IMMP2L: variants seen among roughly 807,000 people sequenced by gnomAD.
The protein encoded by IMMP2L is mitochondrial inner membrane protease subunit 2.
A neutral mutation model predicts 19.3 loss-of-function variants in IMMP2L; 18 were observed. That is an observed-to-expected ratio of 0.93 (90% CI 0.64 to 1.38). The LOEUF is 1.38. IMMP2L is among the 40% of genes most tolerant of loss of function. The probability of loss-of-function intolerance (pLI) is 0.00; values close to 1 mark genes in which losing one functional copy is unlikely to be tolerated. For missense variants in IMMP2L, 233 were observed against 218.2 expected, an observed-to-expected ratio of 1.07 and a Z score of -0.43; for synonymous variants, 76 against 73.0, an observed-to-expected ratio of 1.04 and a Z score of -0.21.
At chr7:111,381,679 A>G (rs1831219364) in intron 3 of IMMP2L, among the ~76,000 whole-genome samples, 1 of 151,920 alleles carries the variant, frequency 6.6e-6, no homozygotes, top group Non-Finnish European at 1.5e-5. Context: ...GGAGAAGAAC[A>G]AAAGAGAAAA....
At chr7:111,040,789 A>T (rs1457657061) in intron 3 of IMMP2L, among the ~76,000 whole-genome samples, 1 of 150,402 alleles carries the variant, frequency 6.6e-6, no homozygotes, top group Non-Finnish European at 1.5e-5. Context: ...ATCTAATATT[A>T]AATCTAATAT....
At chr7:111,209,485 C>CAT (rs1811087580) in intron 3 of IMMP2L, among the ~76,000 whole-genome samples, 1 of 151,456 alleles carries the variant, frequency 6.6e-6, no homozygotes, top group Admixed American at 6.6e-5. Context: ...TGGTAAAACT[C>CAT]ATATTTACAT....
At chr7:110,839,330 TA>T (rs930418284) in intron 5 of IMMP2L, among the ~76,000 whole-genome samples, 7 of 151,222 alleles carry the variant, frequency 4.6e-5, no homozygotes, top group Admixed American at 2.0e-4. Context: ...CCTTGGATAA[TA>T]AAAAAAAAGT....
At chr7:111,536,965 A>T (rs1218106959) in intron 1 of IMMP2L, among the ~76,000 whole-genome samples, 1 of 152,122 alleles carries the variant, frequency 6.6e-6, no homozygotes, top group Admixed American at 6.5e-5. Context: ...TCTGCATCTA[A>T]AGGACATGTC....
At chr7:110,696,540 C>T (rs1363656379) in intron 5 of IMMP2L, among the ~76,000 whole-genome samples, 1 of 151,146 alleles carries the variant, frequency 6.6e-6, no homozygotes, top group African/African-American at 2.4e-5. Context: ...GATTCTCCTG[C>T]CTCAGCCTCC....
chr7:111,330,979 C>T (rs920900765), intron 3 of IMMP2L, among the ~76,000 whole-genome samples: 6 of 151,556 alleles, frequency 4.0e-5, no homozygotes, highest in African/African-American at 1.2e-4. Context: ...ACTGTTGGTG[C>T]GAATATATAT....
chr7:110,846,956 G>A (rs1328793726), intron 5 of IMMP2L, among the ~76,000 whole-genome samples: 7 of 152,078 alleles, frequency 4.6e-5, no homozygotes, highest in African/African-American at 1.7e-4. Context: ...TAGAGTCAAA[G>A]GTCTCCTCAA....
chr7:111,022,279 C>T (rs1170947530), intron 3 of IMMP2L, among the ~76,000 whole-genome samples: 1 of 152,116 alleles, frequency 6.6e-6, no homozygotes, highest in Non-Finnish European at 1.5e-5. Flanking sequence ...GCAGGCTGGG[C>T]ATAGCAGAAA....
intron 4 of IMMP2L, among the ~76,000 whole-genome samples, chr7:110,956,381 C>T (rs1023167926): frequency 4.6e-5 from 7 of 151,986 alleles, no homozygotes; most frequent in African/African-American, 9.7e-5. Flanking sequence ...ACAACAGCAT[C>T]GATCCTCCCC....
intron 3 of IMMP2L, among the ~76,000 whole-genome samples, chr7:111,476,502 A>G (rs1841736786): frequency 6.6e-6 from 1 of 152,146 alleles, no homozygotes. Flanking sequence ...TTTGTTTATT[A>G]TCTAACAGCT....
chr7:111,479,393 T>C (rs1841990223), intron 3 of IMMP2L, among the ~76,000 whole-genome samples: 1 of 152,146 alleles, frequency 6.6e-6, no homozygotes, highest in Non-Finnish European at 1.5e-5. Flanking sequence ...AACTAGTCCA[T>C]TTACAGCCAG....
rs372826976 is a variant in IMMP2L, at chr7:110,888,221, A to G, written c.306-1526T>C. On this transcript the variant is annotated intron_variant, in intron 4 of 5. Transcript: ENST00000405709. Reference sequence around the variant, plus strand: ...AAAAACAAGTTGAACACATCTTACCATCATATACTCTGTAATATAAGTGTT... The same window carrying G: ...AAAAACAAGTTGAACACATCTTACCGTCATATACTCTGTAATATAAGTGTT... Among the ~76,000 whole-genome samples, 3 of 152,212 alleles carry G rather than the reference A, an allele frequency of 2.0e-5. No individual in the cohort carries two copies. The East Asian group carries it at 5.8e-4, about 29-fold the overall frequency.
At chr7:111,004,064 A>G (rs1156307300) in intron 3 of IMMP2L, among the ~76,000 whole-genome samples, 2 of 152,198 alleles carry the variant, frequency 1.3e-5, no homozygotes, top group East Asian at 1.9e-4. Flanking sequence ...ATGCATCCCA[A>G]TATAGCTCAG....
intron 3 of IMMP2L, among the ~76,000 whole-genome samples, chr7:111,403,707 A>C (rs182248977): frequency 1.9e-4 from 29 of 152,254 alleles, no homozygotes; most frequent in African/African-American, 6.0e-4. Context: ...GCTACATCCC[A>C]AACACAAAAC....
At chr7:111,444,685 T>A (rs897230030) in intron 3 of IMMP2L, among the ~76,000 whole-genome samples, 1 of 152,120 alleles carries the variant, frequency 6.6e-6, no homozygotes, top group Non-Finnish European at 1.5e-5. Context: ...AAAATTTATA[T>A]ACTTCCTACA....
chr7:111,234,851 C>T (rs1003877479), intron 3 of IMMP2L, among the ~76,000 whole-genome samples: 18 of 151,996 alleles, frequency 1.2e-4, no homozygotes, highest in Admixed American at 3.3e-4. Flanking sequence ...TACATTTCCC[C>T]CTCTCCCAGC....
chr7:111,176,934 G>T (rs774734678), intron 3 of IMMP2L, among the ~76,000 whole-genome samples: 1 of 151,882 alleles, frequency 6.6e-6, no homozygotes, highest in Non-Finnish European at 1.5e-5. Flanking sequence ...AGGAAAATCT[G>T]TGTCCCTTAA....
At chr7:110,955,724 G>A (rs1396813714) in intron 4 of IMMP2L, among the ~76,000 whole-genome samples, 1 of 151,910 alleles carries the variant, frequency 6.6e-6, no homozygotes, top group African/African-American at 2.4e-5. Flanking sequence ...ACTCTTAGCT[G>A]CCATGCTCTA....
chr7:111,280,788 G>A (rs1819603918), intron 3 of IMMP2L, among the ~76,000 whole-genome samples: 1 of 152,108 alleles, frequency 6.6e-6, no homozygotes, highest in African/African-American at 2.4e-5. Context: ...GAGTGAAATT[G>A]GCCGGGTGCG....
Sources: allele counts gnomAD v4.1 joint callset (sites outside exome capture counted in the v4.1 genomes callset), GRCh38; gene constraint gnomAD v4.1.1; transcripts MANE v1.5; gene names NCBI Gene and HGNC (gene_info 2026-07-23, HGNC 2026-07-21).